Variants in CISD1 observed in about 807,000 individuals in gnomAD.
CISD1 encodes CDGSH iron-sulfur domain-containing protein 1.
A neutral mutation model predicts 12.0 loss-of-function variants in CISD1; 8 were observed. The ratio of observed to expected loss-of-function variants is 0.67; its 90% CI spans 0.39 to 1.20. The LOEUF is 1.20. Among genes scored for constraint, CISD1 ranks in the 50% most tolerant of loss-of-function variants. The pLI is 0.01. For missense variants in CISD1, 107 were observed against 132.7 expected (o/e 0.81, Z 0.95); for synonymous variants, 38 against 42.2 (o/e 0.90, Z 0.39).
chr10:58,269,368 G>A (rs1308317947), intron 1 of CISD1, 64 bp downstream of exon 1: 7 of 1,494,008 alleles, frequency 4.7e-6, no homozygotes, highest in South Asian at 3.5e-5. Context: ...CCCGCAGTTC[G>A]ACTGGGTTGT....
At chr10:58,281,458 A>G (rs1271648797) in intron 2 of CISD1, among the ~76,000 whole-genome samples, 1 of 152,106 alleles carries the variant, frequency 6.6e-6, no homozygotes, top group Non-Finnish European at 1.5e-5. Flanking sequence ...CATCTTGGGC[A>G]CTTATTCCTG....
intron 1 of CISD1, among the ~76,000 whole-genome samples, chr10:58,273,756 A>G (rs1328692165): frequency 1.3e-5 from 2 of 151,932 alleles, no homozygotes; most frequent in Non-Finnish European, 1.5e-5. Flanking sequence ...TTGTGTAGAT[A>G]TAAAGCATGA....
At position 58,282,372 on chromosome 10, in the gene CISD1, G is replaced by A. The variant is rs545154224; in HGVS notation, c.237+5050G>A. On this transcript the variant is annotated intron_variant, in intron 2 of 2. Transcript: ENST00000333926. ...AATGCTCAAGCCCCTGATTTAAAAT[G>A]ACAGTATTTGCCTATAAGCTATGCA... Among the ~76,000 whole-genome samples, 4 of 152,296 alleles carry A rather than the reference G, an allele frequency of 2.6e-5. No homozygotes were observed. In the South Asian group the frequency reaches 8.3e-4, roughly 32 times the overall value.
rs999937387 is a variant in CISD1, at chr10:58,288,011, G to C, written c.*361G>C. 6.2e-6 allele frequency: 1 copy of C among 161,876 alleles called. No individual in the cohort carries two copies. The highest frequency in any genetic ancestry group is 2.4e-5 in the African/African-American group (1 of 41,922). The allele number at this position is 161,876 out of a possible 1,614,324, so 10.0% of individuals were successfully genotyped here. A position where few individuals can be genotyped will look rare whatever the true frequency, so the allele number is the denominator to read the frequency against. ...AATTATGTATTTGCAGATTGTACTT[G>C]TAAGTTTCAAAGAAAAATTACCATC... On this transcript the variant is annotated 3_prime_UTR_variant, in exon 3 of 3. Coordinates refer to ENST00000333926, the MANE Select transcript of CISD1 (RefSeq NM_018464.5).
chr10:58,273,276 C>T (rs1053126903), intron 1 of CISD1: 9 of 151,794 alleles, frequency 5.9e-5, no homozygotes, highest in Non-Finnish European at 1.2e-4. Flanking sequence ...TTGACTCAAC[C>T]AACATTATTG....
At position 58,289,043 on chromosome 10, in the gene CISD1, T is replaced by C. The variant is rs74514046; in HGVS notation, c.*1393T>C. On this transcript the variant is annotated 3_prime_UTR_variant, in exon 3 of 3. Transcript: ENST00000333926. Reference sequence around the variant, plus strand: ...AGTTGGTAACAAAATTGTACAGTGGTTTTAAGAAGCCCATGTAACTAACTT... The same window carrying C: ...AGTTGGTAACAAAATTGTACAGTGGCTTTAAGAAGCCCATGTAACTAACTT... The C allele has an allele frequency of 6.6e-6, 1 of 152,182 alleles. No homozygotes were observed. The highest frequency in any genetic ancestry group is 6.5e-5 in the Admixed American group (1 of 15,270). The allele number at this position is 152,182 out of a possible 1,614,324, so 9.4% of individuals were successfully genotyped here.
chr10:58,277,366 T>A, intron 2 of CISD1, 44 bp downstream of exon 2: 1 of 1,285,184 alleles, frequency 7.8e-7, no homozygotes, highest in Non-Finnish European at 1.1e-6. Context: ...TTTAATGTTA[T>A]ATTTCTTTTT....
rs752640135 is a variant in CISD1 at position 58,271,041 on chromosome 10, C to CTTTTT, written c.31+1738_31+1739insTTTTT. Among the ~76,000 whole-genome samples the CTTTTT allele has an allele frequency of 1.2e-4, 13 of 112,636 alleles. 1 individual carries two copies. The highest frequency in any genetic ancestry group is 1.9e-4 in the African/African-American group (4 of 21,470). 73.9% of individuals were successfully genotyped at this position (112,636 alleles called of 152,430 possible). Reference sequence around the variant, plus strand: ...TGTGAGACACCACACGTTGCCATGACTATTTTTTTTTTTTTTGAGGCGGAG... The same window carrying CTTTTT: ...TGTGAGACACCACACGTTGCCATGACTTTTTTATTTTTTTTTTTTTTGAGGCGGAG... On this transcript the variant is annotated intron_variant, in intron 1 of 2. Transcript: ENST00000333926.
chr10:58,273,208 A>AG (rs1252919478), intron 1 of CISD1, among the ~76,000 whole-genome samples: 6 of 152,196 alleles, frequency 3.9e-5, no homozygotes, highest in African/African-American at 1.4e-4. Flanking sequence ...ATGCAGTGTA[A>AG]GGATAGAAAA....
chr10:58,283,535 C>T (rs72797410), intron 2 of CISD1, among the ~76,000 whole-genome samples: 10,154 of 152,114 alleles, frequency 0.067, 415 homozygotes, highest in Non-Finnish European at 0.089. Flanking sequence ...ATACAAAGTA[C>T]GAAGTTCAGA....
At position 58,289,288 on chromosome 10, in the gene CISD1, A is replaced by C. The variant is rs1395804313; in HGVS notation, c.*1638A>C. ...TTTCTGATAAAGGGACATCCTTCTAACTTAACAGACTATTCTTTATCTTGA... is the reference window on the plus strand; with the variant it reads ...TTTCTGATAAAGGGACATCCTTCTACCTTAACAGACTATTCTTTATCTTGA... On this transcript the variant is annotated 3_prime_UTR_variant, in exon 3 of 3. Transcript: ENST00000333926. 1 of 152,196 alleles carries C rather than the reference A, an allele frequency of 6.6e-6. No individual in the cohort carries two copies. Among genetic ancestry groups the C allele is most frequent in the African/African-American group, 2.4e-5 (1 of 41,444 alleles). 9.4% of individuals were successfully genotyped at this position (152,196 alleles called of 1,614,324 possible).
At chr10:58,286,162 G>A (rs1348840025) in intron 2 of CISD1, among the ~76,000 whole-genome samples, 3 of 148,366 alleles carry the variant, frequency 2.0e-5, no homozygotes, top group South Asian at 2.1e-4. Context: ...TCGAGATCGC[G>A]CCACTGCATT....
At chr10:58,271,547 A>G (rs562572391) in intron 1 of CISD1, among the ~76,000 whole-genome samples, 2 of 152,204 alleles carry the variant, frequency 1.3e-5, no homozygotes, top group African/African-American at 2.4e-5. Context: ...CTTTAAACCA[A>G]GTTTATTCCT....
intron 2 of CISD1, among the ~76,000 whole-genome samples, chr10:58,285,708 C>T (rs1471819976): frequency 1.3e-5 from 2 of 151,722 alleles, no homozygotes; most frequent in South Asian, 2.1e-4. Flanking sequence ...TTTCATTTTA[C>T]AATAGAGGAT....
rs541369297 is a variant in CISD1 at position 58,269,210 on chromosome 10, G to A, written c.-64G>A. 6.4e-7 allele frequency: 1 copy of A among 1,564,076 alleles called. No homozygotes were observed. The highest frequency in any genetic ancestry group is 8.7e-7 in the Non-Finnish European group (1 of 1,146,246). ...GTACGCCGCTGGCACCTTTACTCTC[G>A]CCGGCCGCGCGAACCCGTTTGAGCT... On this transcript the variant is annotated 5_prime_UTR_variant, in exon 1 of 3. Transcript: ENST00000333926.
chr10:58,282,728 G>A (rs868570943), intron 2 of CISD1, among the ~76,000 whole-genome samples: 3 of 152,128 alleles, frequency 2.0e-5, no homozygotes, highest in Non-Finnish European at 2.9e-5. Context: ...TTGAGTCAGC[G>A]GTATCTTGAC....
intron 2 of CISD1, among the ~76,000 whole-genome samples, chr10:58,280,991 C>G (rs1439595117): frequency 6.6e-6 from 1 of 152,138 alleles, no homozygotes; most frequent in Admixed American, 6.5e-5. Context: ...TCATATTTTC[C>G]GTAGATGCAA....
chr10:58,276,257 T>G lies in CISD1; in HGVS notation c.32-860T>G, dbSNP rs1839313959. 1.3e-5 allele frequency: 2 copies of G among 152,184 alleles called. 1 individual carries two copies. The highest frequency in any genetic ancestry group is 4.1e-4 in the South Asian group (2 of 4,832). The allele number at this position is 152,184 out of a possible 1,614,324, so 9.4% of individuals were successfully genotyped here. On this transcript the variant is annotated intron_variant, in intron 1 of 2. Coordinates refer to ENST00000333926, the MANE Select transcript of CISD1 (RefSeq NM_018464.5). The stretch of plus-strand genomic sequence containing the variant: ...GTTTCTAAAGACTTGAAAAGCTGCT[T>G]GAAAAGAATAACTAGATGGCTTGTT...
At chr10:58,279,197 T>C (rs983475613) in intron 2 of CISD1, among the ~76,000 whole-genome samples, 1 of 152,176 alleles carries the variant, frequency 6.6e-6, no homozygotes, top group African/African-American at 2.4e-5. Context: ...ATGTAAAATA[T>C]TGTATAAAAT....
Sources: allele counts gnomAD v4.1 joint callset (sites outside exome capture counted in the v4.1 genomes callset), GRCh38; gene constraint gnomAD v4.1.1; transcripts MANE v1.5; gene names NCBI Gene and HGNC (gene_info 2026-07-23, HGNC 2026-07-21).